Variants in EPHA5 observed in about 807,000 individuals in gnomAD.
EPHA5 encodes ephrin type-A receptor 5.
In EPHA5, 60 loss-of-function variants were observed where a neutral mutation model predicts 105.0. The ratio of observed to expected loss-of-function variants is 0.57; its 90% CI spans 0.46 to 0.71. EPHA5 has a LOEUF of 0.71. EPHA5 is among the 30% of genes least tolerant of loss of function. The probability of loss-of-function intolerance (pLI) is 0.00; values close to 1 mark genes in which losing one functional copy is unlikely to be tolerated. For missense variants in EPHA5, 1,218 were observed against 1,274.7 expected (o/e 0.96, Z 0.68); for synonymous variants, 513 against 449.1 (o/e 1.14, Z -1.80).
rs184155730 is a variant in EPHA5 at position 65,534,395 on chromosome 4, T to C, written c.911-38852A>G. Reference sequence around the variant, plus strand: ...TATGTGGGAGAAGTTGTTTACATAATGTTAATTTAGAGGATTTCCTCTTTC... The same window carrying C: ...TATGTGGGAGAAGTTGTTTACATAACGTTAATTTAGAGGATTTCCTCTTTC... On this transcript the variant is annotated intron_variant, in intron 3 of 16. Transcript: ENST00000613740. Among the ~76,000 whole-genome samples, 80 of 152,336 alleles carry C rather than the reference T, an allele frequency of 5.3e-4. No individual in the cohort carries two copies. In the South Asian group the frequency reaches 7.0e-3, roughly 13 times the overall value.
At chr4:65,668,344 G>A (rs1444256886) in intron 1 of EPHA5, among the ~76,000 whole-genome samples, 1 of 152,108 alleles carries the variant, frequency 6.6e-6, no homozygotes, top group African/African-American at 2.4e-5. Context: ...CCGTGCCCAG[G>A]AGTGGAAGGA....
intron 3 of EPHA5, chr4:65,573,350 G>A: frequency 1.6e-6 from 1 of 615,468 alleles, no homozygotes; most frequent in South Asian, 2.5e-5. Flanking sequence ...GGCAGAGCTT[G>A]CAATGAGCTG....
chr4:65,571,800 C>T (rs1407922054), intron 3 of EPHA5, among the ~76,000 whole-genome samples: 1 of 151,918 alleles, frequency 6.6e-6, no homozygotes, highest in Non-Finnish European at 1.5e-5. Flanking sequence ...AATTCTTATT[C>T]TTACAGTTGC....
At chr4:65,581,471 C>G (rs183546390) in intron 3 of EPHA5, among the ~76,000 whole-genome samples, 1 of 151,748 alleles carries the variant, frequency 6.6e-6, no homozygotes, top group South Asian at 2.1e-4. Context: ...GCAAGCAAAG[C>G]GATTTACCCA....
intron 8 of EPHA5, among the ~76,000 whole-genome samples, chr4:65,394,134 C>T (rs1720988205): frequency 6.6e-6 from 1 of 152,144 alleles, no homozygotes. Context: ...CTGGATATAC[C>T]TGTCCCATGA....
chr4:65,459,126 G>A (rs1295634610), intron 5 of EPHA5, among the ~76,000 whole-genome samples: 2 of 151,968 alleles, frequency 1.3e-5, no homozygotes, highest in Non-Finnish European at 2.9e-5. Flanking sequence ...TTAAACTGGG[G>A]CCAATTTGTG....
At chr4:65,432,281 G>A (rs1725049708) in intron 5 of EPHA5, among the ~76,000 whole-genome samples, 1 of 152,126 alleles carries the variant, frequency 6.6e-6, no homozygotes, top group Admixed American at 6.6e-5. Context: ...TGAAGTAATG[G>A]CTGTATAGAA....
At chr4:65,381,937 C>A (rs1270836581) in intron 8 of EPHA5, among the ~76,000 whole-genome samples, 5 of 151,692 alleles carry the variant, frequency 3.3e-5, no homozygotes, top group Admixed American at 2.6e-4. Context: ...AATATCAACA[C>A]CTTAAAAATA....
rs548805183 is a variant in EPHA5, at chr4:65,607,334, T to C, written c.247-5030A>G. ...AAAAGCCCCAAATTGACAAATGAGA[T>C]ATAATTAAAGAGCTTATGCACAGCA... On this transcript the variant is annotated intron_variant, in intron 2 of 16. Transcript: ENST00000613740. Among the ~76,000 whole-genome samples the C allele has an allele frequency of 4.6e-5, 7 of 152,106 alleles. No homozygotes were observed. In the South Asian group the frequency reaches 1.2e-3, roughly 27 times the overall value.
At chr4:65,327,123 T>C (rs1367388055) in intron 16 of EPHA5, among the ~76,000 whole-genome samples, 1 of 151,178 alleles carries the variant, frequency 6.6e-6, no homozygotes, top group Non-Finnish European at 1.5e-5. Flanking sequence ...AATGTTTCGG[T>C]AGTTTAAATT....
chr4:65,566,191 T>C (rs11931601), intron 3 of EPHA5, among the ~76,000 whole-genome samples: 45,986 of 151,566 alleles, frequency 0.3, 7,491 homozygotes, highest in East Asian at 0.47. Flanking sequence ...CTCCTCTTTC[T>C]GTTTAGCAAT....
chr4:65,551,214 T>C (rs1487993597), intron 3 of EPHA5, among the ~76,000 whole-genome samples: 2 of 151,390 alleles, frequency 1.3e-5, no homozygotes, highest in Non-Finnish European at 2.9e-5. Flanking sequence ...GCCATGTATG[T>C]ATATATATGT....
intron 1 of EPHA5, among the ~76,000 whole-genome samples, chr4:65,668,083 T>TAGATAAATGC (rs1282535336): frequency 6.6e-6 from 1 of 152,174 alleles, no homozygotes; most frequent in Non-Finnish European, 1.5e-5. Flanking sequence ...TATATGTATA[T>TAGATAAATGC]AGATAAATGC....
chr4:65,484,478 G>C (rs769820690), intron 5 of EPHA5, among the ~76,000 whole-genome samples: 1 of 152,070 alleles, frequency 6.6e-6, no homozygotes, highest in Non-Finnish European at 1.5e-5. Context: ...GGACAGCTTG[G>C]AACATGCCCT....
At chr4:65,582,776 A>G (rs1741759895) in intron 3 of EPHA5, among the ~76,000 whole-genome samples, 1 of 151,698 alleles carries the variant, frequency 6.6e-6, no homozygotes, top group Admixed American at 6.6e-5. Context: ...GCCAATTTAC[A>G]TATATTTACT....
At chr4:65,407,930 A>ATTTTTGCAT (rs1722524070) in intron 7 of EPHA5, among the ~76,000 whole-genome samples, 1 of 149,744 alleles carries the variant, frequency 6.7e-6, no homozygotes, top group African/African-American at 2.5e-5. Flanking sequence ...TAATTTTTGC[A>ATTTTTGCAT]TTTTTTTTTG....
intron 4 of EPHA5, among the ~76,000 whole-genome samples, chr4:65,491,386 T>G (rs1731384771): frequency 6.6e-6 from 1 of 152,076 alleles, no homozygotes; most frequent in Non-Finnish European, 1.5e-5. Context: ...TTTATTTAAT[T>G]GAAAATCTAA....
At chr4:65,361,702 C>T (rs1019727346) in intron 11 of EPHA5, among the ~76,000 whole-genome samples, 1 of 151,684 alleles carries the variant, frequency 6.6e-6, no homozygotes, top group Non-Finnish European at 1.5e-5. Context: ...GTTGGATGTT[C>T]TATCTCTGCA....
intron 11 of EPHA5, among the ~76,000 whole-genome samples, chr4:65,362,297 T>G (rs1349453581): frequency 5.9e-5 from 9 of 151,624 alleles, no homozygotes; most frequent in African/African-American, 2.2e-4. Flanking sequence ...TTATGTCTCA[T>G]TATCTGTGTG....
Sources: allele counts gnomAD v4.1 joint callset (sites outside exome capture counted in the v4.1 genomes callset), GRCh38; gene constraint gnomAD v4.1.1; transcripts MANE v1.5; gene names NCBI Gene and HGNC (gene_info 2026-07-23, HGNC 2026-07-21).